The following GARNL3 variants were observed in gnomAD, a reference collection of about 807,000 sequenced individuals.
GARNL3 encodes GTPase activating Rap/RanGAP domain like 3, also known as GTPase-activating Rap/Ran-GAP domain-like protein 3.
GARNL3 carries 63 observed loss-of-function variants against 125.0 expected under a neutral mutation model. The ratio of observed to expected loss-of-function variants is 0.50; its 90% CI spans 0.41 to 0.62. GARNL3 has a LOEUF of 0.62. Among genes scored for constraint, GARNL3 ranks in the 20% least tolerant of loss-of-function variants. The pLI is 0.00. For missense variants in GARNL3, 994 were observed against 1,244.0 expected (o/e 0.80, Z 3.02); for synonymous variants, 439 against 457.5 (o/e 0.96, Z 0.52).
intron 1 of GARNL3, among the ~76,000 whole-genome samples, chr9:127,276,405 G>A (rs1251250597): frequency 7.0e-6 from 1 of 142,628 alleles, no homozygotes; most frequent in Admixed American, 7.0e-5. Context: ...ATTCCTTCTT[G>A]TCTGGCTGGC....
chr9:127,353,672 TAGG>T (rs893387971), intron 17 of GARNL3, 171 bp from the exon 18 acceptor site: 3 of 634,468 alleles, frequency 4.7e-6, no homozygotes, highest in Non-Finnish European at 5.7e-6. Flanking sequence ...CTTCCTGAGC[TAGG>T]AGGAGAATAG....
At chr9:127,311,246 A>AT (rs2065089488) in intron 2 of GARNL3, among the ~76,000 whole-genome samples, 1 of 150,258 alleles carries the variant, frequency 6.7e-6, no homozygotes, top group South Asian at 2.1e-4. Context: ...AAAAAAAAAA[A>AT]CAGAAAAAAC....
chr9:127,332,193 T>A (rs1358174908), intron 7 of GARNL3, 81 bp from the exon 8 acceptor site: 1 of 999,896 alleles, frequency 1.0e-6, no homozygotes, highest in Non-Finnish European at 1.6e-6. Flanking sequence ...GCCATTGTGC[T>A]AAGTCACGAA....
chr9:127,311,661 G>T lies in GARNL3; in HGVS notation c.245G>T (p.Trp82Leu). 1 of 1,613,810 alleles carries T rather than the reference G, an allele frequency of 6.2e-7. No individual in the cohort carries two copies. The highest frequency in any genetic ancestry group is 8.5e-7 in the Non-Finnish European group (1 of 1,179,746). Residue 82 changes from tryptophan (W) to leucine (L), a missense_variant, in exon 3 of 28, where the codon TGG becomes TTG. Physicochemically the swap from Trp to Leu is moderately conservative, Grantham distance 61. Transcript: ENST00000373387. Reference protein sequence around the residue: ...DENATALPGTWRRTDVHLENP... With the variant: ...DENATALPGTLRRTDVHLENP... ...AATGCAACTGCCCTGCCTGGTACTT[G>T]GCGAAGAACAGACGTGCACTTAGAG... is the stretch of plus-strand genomic sequence containing the variant.
intron 3 of GARNL3, 157 bp from the exon 4 acceptor site, chr9:127,313,284 G>C: frequency 3.1e-6 from 2 of 653,170 alleles, no homozygotes; most frequent in Non-Finnish European, 5.5e-6. Flanking sequence ...AGGAATACAT[G>C]ATCCCCCGAG....
rs1225676095 is a variant in GARNL3, at chr9:127,242,022, C to T, written c.-28-1057C>T. Among the ~76,000 whole-genome samples the T allele has an allele frequency of 1.3e-5, 2 of 152,038 alleles. No individual in the cohort carries two copies. The highest frequency in any genetic ancestry group is 1.3e-4 in the Admixed American group (2 of 15,262). On this transcript the variant is annotated intron_variant, in intron 1 of 10. Coordinates refer to the GARNL3 transcript ENST00000439286. The surrounding 1 kb of genome is among the most constrained non-coding windows in gnomAD (Gnocchi z 4.6). The stretch of plus-strand genomic sequence containing the variant: ...GGGTCTAACTGGCACCACTATAGAA[C>T]CTTCAGAGTGGCCAGTGCCTATCTG...
chr9:127,320,595 C>A, intron 5 of GARNL3, 120 bp from the exon 6 acceptor site: 1 of 658,820 alleles, frequency 1.5e-6, no homozygotes, highest in Non-Finnish European at 2.7e-6. Flanking sequence ...TCATTGATAA[C>A]TCATTTGTTG....
chr9:127,248,387 T>C (rs2063339157), intron 2 of GARNL3, among the ~76,000 whole-genome samples: 1 of 152,172 alleles, frequency 6.6e-6, no homozygotes, highest in Non-Finnish European at 1.5e-5. Context: ...TCCATTCCCC[T>C]GTTGAAATAG....
intron 2 of GARNL3, among the ~76,000 whole-genome samples, chr9:127,251,319 A>G (rs978738885): frequency 1.1e-4 from 16 of 151,638 alleles, no homozygotes; most frequent in African/African-American, 3.9e-4. Context: ...AGTTTGGCTT[A>G]TCTATTATTT....
intron 1 of GARNL3, among the ~76,000 whole-genome samples, chr9:127,267,303 C>G (rs935948129): frequency 6.6e-6 from 1 of 152,156 alleles, no homozygotes; most frequent in Non-Finnish European, 1.5e-5. Flanking sequence ...CACGTATAAT[C>G]TTACCTTGCA....
Position 127,393,313 on chromosome 9 carries a change from C to T in GARNL3, c.*59C>T. 6.8e-7 allele frequency: 1 copy of T among 1,477,544 alleles called. No homozygotes were observed. Among genetic ancestry groups the T allele is most frequent in the Non-Finnish European group, 9.3e-7 (1 of 1,070,214 alleles). The allele number at this position is 1,477,544 out of a possible 1,614,324, so 91.5% of individuals were successfully genotyped here. The stretch of plus-strand genomic sequence containing the variant: ...CTTATGGAGGTTTATACTCTTTAAA[C>T]AGTTCTGATGTAATTTCTCAACAAA... On this transcript the variant is annotated 3_prime_UTR_variant, in exon 28 of 28. Coordinates refer to ENST00000373387, the MANE Select transcript of GARNL3 (RefSeq NM_032293.5).
rs191087619 is a variant in GARNL3, at chr9:127,385,957, G to A, written c.2388+812G>A. 3.9e-5 allele frequency among the ~76,000 whole-genome samples: 6 copies of A among 152,332 alleles called. No homozygotes were observed. In the East Asian group the frequency reaches 1.2e-3, roughly 29 times the overall value. On this transcript the variant is annotated intron_variant, in intron 24 of 27. Coordinates refer to ENST00000373387, the MANE Select transcript of GARNL3 (RefSeq NM_032293.5). The surrounding 1 kb of genome is among the most constrained non-coding windows in gnomAD (Gnocchi z 4.1). ...ACATATGTGCATATATGTATGATATGTGTACATATCTGCATGTATGTATCA... is the reference window on the plus strand; with the variant it reads ...ACATATGTGCATATATGTATGATATATGTACATATCTGCATGTATGTATCA...
At chr9:127,391,146 G>T (rs764506539) in intron 27 of GARNL3, among the ~76,000 whole-genome samples, 1 of 151,968 alleles carries the variant, frequency 6.6e-6, no homozygotes, top group Non-Finnish European at 1.5e-5. Flanking sequence ...GTAGCCGGGC[G>T]TGGTGGCACA....
At chr9:127,272,249 A>G (rs2063840384) in intron 1 of GARNL3, among the ~76,000 whole-genome samples, 1 of 149,378 alleles carries the variant, frequency 6.7e-6, no homozygotes, top group Admixed American at 6.6e-5. Flanking sequence ...CCCTAACACA[A>G]CTCAGTTTTG....
chr9:127,375,467 GAAAA>G (rs1176190521), intron 22 of GARNL3, among the ~76,000 whole-genome samples: 3 of 78,090 alleles, frequency 3.8e-5, no homozygotes, highest in Admixed American at 1.5e-4. Flanking sequence ...CTCTGTCTCA[GAAAA>G]AAAAAAAAAA....
upstream of GARNL3, chr9:127,264,089 T>C (rs528741165): frequency 9.1e-5 from 75 of 823,778 alleles, no homozygotes; most frequent in African/African-American, 1.1e-3. Flanking sequence ...TTTTCTATGT[T>C]ATCGTAGAGT....
In GARNL3 at chr9:127,355,465, A is replaced by T. The variant is rs750579348; in HGVS notation, c.1928A>T (p.Tyr643Phe). The T allele has an allele frequency of 1.2e-6, 2 of 1,614,082 alleles. No individual in the cohort carries two copies. The highest frequency in any genetic ancestry group is 2.7e-5 in the African/African-American group (2 of 75,056). Reference protein sequence around the residue: ...LSESPVEEFQYIREICLSDSP... With the variant: ...LSESPVEEFQFIREICLSDSP... ...GAGTCACCTGTTGAAGAATTCCAGTACATCAGGGTAGGTTTGCTCTTTAAA... is the reference window on the plus strand; with the variant it reads ...GAGTCACCTGTTGAAGAATTCCAGTTCATCAGGGTAGGTTTGCTCTTTAAA... Residue 643 changes from tyrosine to phenylalanine, a missense_variant, in exon 20 of 28, where the codon TAC becomes TTC. This residue lies in a region of GARNL3 where 728 missense variants were observed against 865.7 expected (regional missense o/e 0.84). Coordinates refer to ENST00000373387, the MANE Select transcript of GARNL3 (RefSeq NM_032293.5).
chr9:127,264,692 ACT>A (rs2063663538), upstream of GARNL3: 1 of 1,221,918 alleles, frequency 8.2e-7, no homozygotes, highest in African/African-American at 1.6e-5. Flanking sequence ...ATTCCAAATG[ACT>A]AAATATTTAA....
chr9:127,342,373 G>A, intron 14 of GARNL3, 39 bp downstream of exon 14: 1 of 1,349,412 alleles, frequency 7.4e-7, no homozygotes, highest in South Asian at 1.2e-5. Flanking sequence ...TTCTTATGGG[G>A]TCTGAGTTGA....
Sources: allele counts gnomAD v4.1 joint callset (sites outside exome capture counted in the v4.1 genomes callset), GRCh38; gene constraint gnomAD v4.1.1; regional missense constraint gnomAD v4.1.1; non-coding constraint Gnocchi (gnomAD v3.1); transcripts MANE v1.5; gene names NCBI Gene and HGNC (gene_info 2026-07-23, HGNC 2026-07-21).